The following ADGRF1 variants were observed in gnomAD, a reference collection of about 807,000 sequenced individuals.
The protein encoded by ADGRF1 is G protein-coupled receptor 110.
In ADGRF1, 85 loss-of-function variants were observed where a neutral mutation model predicts 87.2. That is an observed-to-expected ratio of 0.97 (90% CI 0.82 to 1.17). The LOEUF is 1.17. Among genes scored for constraint, ADGRF1 ranks in the 50% most tolerant of loss-of-function variants. The pLI is 0.00. For missense variants in ADGRF1, 1,169 were observed against 1,077.2 expected (o/e 1.09, Z -1.19); for synonymous variants, 430 against 408.8 (o/e 1.05, Z -0.63).
At position 47,022,044 on chromosome 6, in the gene ADGRF1, A is replaced by C; in HGVS notation, c.466T>G (p.Phe156Val). 2 of 1,567,712 alleles carry C rather than the reference A, an allele frequency of 1.3e-6. No individual in the cohort carries two copies. The highest frequency in any genetic ancestry group is 1.2e-5 in the South Asian group (1 of 84,628). The stretch of plus-strand genomic sequence containing the variant: ...TTTGTAAACCTTTCATTAATTTTGA[A>C]AGTGCCCCAAATCTCTGTAGGAAAT... ...FCERTKIWGTFKINERFTNDL... is the reference protein window; with the variant it reads ...FCERTKIWGTVKINERFTNDL... The change falls in exon 6 of 15, where the codon TTC (phenylalanine) becomes GTC (valine). Residue 156 changes from phenylalanine (F) to valine (V), a missense_variant. Transcript: ENST00000371253.
chr6:47,015,188 A>T (rs1008158250), intron 8 of ADGRF1, among the ~76,000 whole-genome samples: 26 of 152,244 alleles, frequency 1.7e-4, no homozygotes, highest in African/African-American at 5.5e-4. Context: ...TTAAAGGAAC[A>T]TTAGAAAGCC....
At chr6:47,034,433 A>G (rs1011764533) in intron 1 of ADGRF1, among the ~76,000 whole-genome samples, 3 of 152,228 alleles carry the variant, frequency 2.0e-5, no homozygotes, top group Non-Finnish European at 4.4e-5. Context: ...TATTGGGTTC[A>G]GAACAGAGGT....
chr6:47,036,190 A>C (rs1234800794), intron 1 of ADGRF1, among the ~76,000 whole-genome samples: 1 of 152,096 alleles, frequency 6.6e-6, no homozygotes, highest in South Asian at 2.1e-4. Context: ...AGATCGCGCC[A>C]CTGCACTCCA....
At position 47,012,099 on chromosome 6, in the gene ADGRF1, C is replaced by G; in HGVS notation, c.1024G>C (p.Val342Leu). ...GACACCACCGAAGCCAGATTCCCCA[C>G]TGTGGTTGATGGGTTTTGCCGAATG... ...VIIRQNPSTT[V>L]GNLASVVSIL... Residue 342 changes from valine to leucine, a missense_variant, in exon 10 of 15, where the codon GTG becomes CTG. Physicochemically the swap from Val to Leu is conservative, Grantham distance 32. Coordinates refer to ENST00000371253, the MANE Select transcript of ADGRF1 (RefSeq NM_153840.4). 1.2e-6 allele frequency: 2 copies of G among 1,614,114 alleles called. No individual in the cohort carries two copies. Among genetic ancestry groups the G allele is most frequent in the Non-Finnish European group, 1.7e-6 (2 of 1,179,994 alleles).
intron 1 of ADGRF1, among the ~76,000 whole-genome samples, chr6:47,036,237 GAACAA>G (rs1025961785): frequency 1.3e-4 from 20 of 151,806 alleles, no homozygotes; most frequent in African/African-American, 3.4e-4. Flanking sequence ...CTCAAAAACA[GAACAA>G]AACAAAACAA....
chr6:47,007,172 A>G (rs1779556567), intron 12 of ADGRF1, 81 bp downstream of exon 12: 1 of 775,334 alleles, frequency 1.3e-6, no homozygotes, highest in East Asian at 2.6e-5. Context: ...CTCTTATTAT[A>G]TGAATAAAGG....
intron 13 of ADGRF1, among the ~76,000 whole-genome samples, chr6:47,003,274 C>G (rs1476905667): frequency 6.6e-6 from 1 of 152,160 alleles, no homozygotes; most frequent in Non-Finnish European, 1.5e-5. Context: ...CAACCAAACT[C>G]TAGCATAGCA....
intron 7 of ADGRF1, chr6:47,018,336 A>G: frequency 8.4e-7 from 1 of 1,197,512 alleles, no homozygotes; most frequent in Non-Finnish European, 1.1e-6. Context: ...AAGAGAACTG[A>G]GGCCCAATGA....
At chr6:47,007,136 T>C (rs1052595865) in intron 12 of ADGRF1, 117 bp downstream of exon 12, 2 of 560,984 alleles carry the variant, frequency 3.6e-6, no homozygotes, top group East Asian at 3.0e-5. Context: ...CACAGAATTT[T>C]ATTACAAAAG....
chr6:47,009,748 A>T lies in ADGRF1; in HGVS notation c.1687T>A (p.Cys563Ser). 6.2e-7 allele frequency: 1 copy of T among 1,614,202 alleles called. No homozygotes were observed. Among genetic ancestry groups the T allele is most frequent in the Non-Finnish European group, 8.5e-7 (1 of 1,180,018 alleles). Reference sequence around the variant, plus strand: ...ATGGAGAAGGAGGTCAAGTGAGTACATTGGCACGTCACGATGTCTTGAGTT... The same window carrying T: ...ATGGAGAAGGAGGTCAAGTGAGTACTTTGGCACGTCACGATGTCTTGAGTT... ...NETQDIVTCQ[C>S]THLTSFSILM... Residue 563 changes from cysteine (C) to serine (S), a missense_variant, in exon 11 of 15, where the codon TGT becomes AGT. Cys to Ser is a moderately radical substitution (Grantham distance 112, BLOSUM62 -1). Coordinates refer to ENST00000371253, the MANE Select transcript of ADGRF1 (RefSeq NM_153840.4).
intron 4 of ADGRF1, 45 bp downstream of exon 4, chr6:47,025,809 C>A: frequency 2.0e-6 from 3 of 1,521,424 alleles, no homozygotes; most frequent in South Asian, 2.5e-5. Context: ...GACTGATATA[C>A]CCGCCTTCCC....
chr6:47,029,042 C>T lies in ADGRF1; in HGVS notation c.20G>A (p.Trp7Ter). 1 of 1,614,120 alleles carries T rather than the reference C, an allele frequency of 6.2e-7. No homozygotes were observed. The highest frequency in any genetic ancestry group is 1.6e-4 in the Middle Eastern group (1 of 6,062). ...AGTGAAGGTGAAGAAAGAAATGAGCCACAGCACTCCAACTTTCATTTTCCC... is the reference window on the plus strand; with the variant it reads ...AGTGAAGGTGAAGAAAGAAATGAGCTACAGCACTCCAACTTTCATTTTCCC... Reference protein sequence around the residue: MKVGVLWLISFFTFTDG... With the variant: MKVGVL Residue 7 changes from tryptophan to a stop codon, truncating the protein, a stop_gained, in exon 2 of 15, where the codon TGG becomes TAG. Coordinates refer to ENST00000371253, the MANE Select transcript of ADGRF1 (RefSeq NM_153840.4). LOFTEE classifies it high-confidence loss of function.
rs141334797 is a variant in ADGRF1 at position 47,024,958 on chromosome 6, G to A, written c.278-741C>T. On this transcript the variant is annotated intron_variant, in intron 4 of 14. Coordinates refer to ENST00000371253, the MANE Select transcript of ADGRF1 (RefSeq NM_153840.4). ...AGAGTTGTTTAAAGGATTCTAGAGC[G>A]TATTTGACCACCATCTCATTGGAGG... Among the ~76,000 whole-genome samples, 1,394 of 152,272 alleles carry A rather than the reference G, an allele frequency of 9.2e-3. 12 individuals carry two copies. The highest frequency in any genetic ancestry group is 0.013 in the Non-Finnish European group (897 of 68,024).
rs1779559723 is a variant in ADGRF1, at chr6:47,007,276, AG to A, written c.2508del (p.Phe837LeufsTer20). The A allele has an allele frequency of 6.4e-7, 1 of 1,552,302 alleles. No homozygotes were observed. On this transcript the variant is annotated frameshift_variant, in exon 12 of 15. Transcript: ENST00000371253. LOFTEE classifies it high-confidence loss of function. ...LNAFQGFFILCFGILLDSKLR... is the reference protein window; with the variant it reads ...LNAFQGFFILXFGILLDSKLR... The stretch of plus-strand genomic sequence containing the variant: ...ACCTTACTGTCCAAGAGTATTCCAA[AG>A]CATAAGATAAAAAATCCCTTTAAAA...
intron 11 of ADGRF1, among the ~76,000 whole-genome samples, chr6:47,007,928 CTG>C (rs774343302): frequency 4.6e-5 from 7 of 152,232 alleles, no homozygotes; most frequent in Non-Finnish European, 8.8e-5. Flanking sequence ...TAGCACCTGA[CTG>C]TTCACTGGTT....
At chr6:47,035,670 G>T (rs183447472) in intron 1 of ADGRF1, among the ~76,000 whole-genome samples, 48 of 152,258 alleles carry the variant, frequency 3.2e-4, no homozygotes, top group Admixed American at 1.3e-3. Flanking sequence ...TAGATCATGA[G>T]CCGGTTAGTT....
intron 4 of ADGRF1, among the ~76,000 whole-genome samples, chr6:47,025,246 G>A (rs1447606336): frequency 6.6e-6 from 1 of 152,062 alleles, no homozygotes; most frequent in Non-Finnish European, 1.5e-5. Flanking sequence ...GCTTTATTGC[G>A]ACACAGAATC....
chr6:47,020,265 G>A, intron 7 of ADGRF1: 1 of 1,238,626 alleles, frequency 8.1e-7, no homozygotes. Flanking sequence ...GGCCGAGGCA[G>A]GCGGATCACC....
chr6:47,031,037 A>G (rs1034974802), intron 1 of ADGRF1, among the ~76,000 whole-genome samples: 1 of 152,226 alleles, frequency 6.6e-6, no homozygotes, highest in Non-Finnish European at 1.5e-5. Context: ...TACTGGGATT[A>G]CAGGCATAAG....
Sources: allele counts gnomAD v4.1 joint callset (sites outside exome capture counted in the v4.1 genomes callset), GRCh38; gene constraint gnomAD v4.1.1; transcripts MANE v1.5; gene names NCBI Gene and HGNC (gene_info 2026-07-23, HGNC 2026-07-21).